Variants in KCTD16 observed in about 807,000 individuals in gnomAD.
KCTD16 encodes the protein BTB/POZ domain-containing protein KCTD16.
KCTD16 carries 13 observed loss-of-function variants against 33.2 expected under a neutral mutation model. That is an observed-to-expected ratio of 0.39 (90% CI 0.25 to 0.62). The LOEUF (loss-of-function observed/expected upper bound fraction) is 0.62. Among genes scored for constraint, KCTD16 ranks in the 20% least tolerant of loss-of-function variants. The pLI is 0.50. For missense variants in KCTD16, 441 were observed against 525.1 expected, an observed-to-expected ratio of 0.84 and a Z score of 1.57; for synonymous variants, 197 against 195.3, an observed-to-expected ratio of 1.01 and a Z score of -0.07.
intron 3 of KCTD16, among the ~76,000 whole-genome samples, chr5:144,431,264 G>A (rs143362582): frequency 1.3e-5 from 2 of 152,084 alleles, no homozygotes; most frequent in Admixed American, 1.3e-4. Flanking sequence ...ATCAGGAATT[G>A]TTCTTCTTTT....
At chr5:144,256,295 T>C (rs1274938625) in intron 3 of KCTD16, among the ~76,000 whole-genome samples, 1 of 152,208 alleles carries the variant, frequency 6.6e-6, no homozygotes, top group African/African-American at 2.4e-5. Context: ...CTTTTTCTAT[T>C]ATTTGGAGTC....
At chr5:144,360,263 C>G (rs775498122) in intron 3 of KCTD16, among the ~76,000 whole-genome samples, 5 of 152,082 alleles carry the variant, frequency 3.3e-5, no homozygotes, top group East Asian at 1.9e-4. Flanking sequence ...CTCCTACCCC[C>G]CAAGAGGCCC....
At chr5:144,436,922 C>A (rs1408779639) in intron 3 of KCTD16, among the ~76,000 whole-genome samples, 1 of 152,038 alleles carries the variant, frequency 6.6e-6, no homozygotes, top group African/African-American at 2.4e-5. Context: ...GATTAAGTTT[C>A]TTTTTGTGTA....
chr5:144,412,694 T>C (rs915107230), intron 3 of KCTD16, among the ~76,000 whole-genome samples: 5 of 152,128 alleles, frequency 3.3e-5, no homozygotes, highest in African/African-American at 1.2e-4. Flanking sequence ...AAGACCAGCC[T>C]GGCCAACATG....
chr5:144,235,645 T>C (rs1295211936), intron 3 of KCTD16, among the ~76,000 whole-genome samples: 2 of 152,068 alleles, frequency 1.3e-5, no homozygotes, highest in Non-Finnish European at 2.9e-5. Flanking sequence ...TCAGTAAATA[T>C]TACCTTTTAT....
chr5:144,188,406 C>T (rs973506919), intron 2 of KCTD16, among the ~76,000 whole-genome samples: 7 of 152,136 alleles, frequency 4.6e-5, no homozygotes, highest in African/African-American at 1.7e-4. Flanking sequence ...GAATGCATTT[C>T]CTGATGGAGT....
intron 3 of KCTD16, among the ~76,000 whole-genome samples, chr5:144,367,859 A>G (rs1580906985): frequency 6.7e-6 from 1 of 149,050 alleles, no homozygotes; most frequent in African/African-American, 2.5e-5. Flanking sequence ...CTTTTTGTCC[A>G]TGAGTACCTG....
At chr5:144,423,084 C>T (rs1362111735) in intron 3 of KCTD16, among the ~76,000 whole-genome samples, 2 of 152,076 alleles carry the variant, frequency 1.3e-5, no homozygotes, top group Non-Finnish European at 2.9e-5. Context: ...GCATTCTCAT[C>T]AGAGAGAAGT....
intron 3 of KCTD16, among the ~76,000 whole-genome samples, chr5:144,295,567 A>T (rs943284519): frequency 2.6e-5 from 4 of 152,142 alleles, no homozygotes; most frequent in African/African-American, 9.7e-5. Flanking sequence ...CCTGTCAGTC[A>T]TTGACTATGG....
At chr5:144,401,149 C>CA (rs1561594258) in intron 3 of KCTD16, among the ~76,000 whole-genome samples, 1 of 152,144 alleles carries the variant, frequency 6.6e-6, no homozygotes, top group African/African-American at 2.4e-5. Flanking sequence ...AGCTCTGATA[C>CA]GTGTGCTGAC....
intron 3 of KCTD16, chr5:144,369,270 C>T (rs575783664): frequency 6.6e-6 from 1 of 152,106 alleles, no homozygotes; most frequent in Non-Finnish European, 1.5e-5. Flanking sequence ...TGTGCTGAAG[C>T]CTGAGAGACA....
chr5:144,343,199 A>C (rs1309294742), intron 3 of KCTD16, among the ~76,000 whole-genome samples: 1 of 152,156 alleles, frequency 6.6e-6, no homozygotes, highest in Non-Finnish European at 1.5e-5. Context: ...CTGTGAATCC[A>C]TGTGGTCCTG....
intron 3 of KCTD16, among the ~76,000 whole-genome samples, chr5:144,250,304 T>C (rs781421946): frequency 3.3e-5 from 5 of 152,194 alleles, no homozygotes; most frequent in Non-Finnish European, 5.9e-5. Context: ...CACCACACTC[T>C]AGCTCTTTCT....
intron 3 of KCTD16, among the ~76,000 whole-genome samples, chr5:144,368,524 G>A (rs1234592315): frequency 1.3e-5 from 2 of 152,126 alleles, no homozygotes; most frequent in Non-Finnish European, 2.9e-5. Flanking sequence ...ACAAGAAGTA[G>A]AATTCTGCTA....
chr5:144,446,809 C>T (rs186216907), intron 3 of KCTD16, among the ~76,000 whole-genome samples: 1 of 152,050 alleles, frequency 6.6e-6, no homozygotes, highest in African/African-American at 2.4e-5. Flanking sequence ...TGAAAAAAAG[C>T]TCATCATCAC....
chr5:144,332,688 G>A (rs2126892341), intron 3 of KCTD16, among the ~76,000 whole-genome samples: 1 of 152,262 alleles, frequency 6.6e-6, no homozygotes, highest in Non-Finnish European at 1.5e-5. Context: ...ATGCCCATAA[G>A]GAGTTAGGGG....
chr5:144,462,524 C>T (rs1447353539), intron 3 of KCTD16, among the ~76,000 whole-genome samples: 1 of 111,310 alleles, frequency 9.0e-6, no homozygotes, highest in Non-Finnish European at 1.8e-5. Flanking sequence ...GTCCAGCCAT[C>T]AGAGCTATTA....
intron 3 of KCTD16, among the ~76,000 whole-genome samples, chr5:144,299,120 A>ATCAC (rs1756155479): frequency 1.4e-4 from 3 of 20,974 alleles, no homozygotes; most frequent in Admixed American, 5.3e-4. Flanking sequence ...ATATATATAT[A>ATCAC]TATATATATA....
At chr5:144,420,829 G>A (rs556924892) in intron 3 of KCTD16, among the ~76,000 whole-genome samples, 4 of 152,170 alleles carry the variant, frequency 2.6e-5, no homozygotes, top group African/African-American at 9.6e-5. Context: ...GGCAAAAATC[G>A]CTGCCTTGTG....
Sources: allele counts gnomAD v4.1 joint callset (sites outside exome capture counted in the v4.1 genomes callset), GRCh38; gene constraint gnomAD v4.1.1; transcripts MANE v1.5; gene names NCBI Gene and HGNC (gene_info 2026-07-23, HGNC 2026-07-21).